The following SH3TC1 variants were observed in gnomAD, a reference collection of about 807,000 sequenced individuals.
SH3TC1 encodes SH3 domain and tetratricopeptide repeat-containing protein 1.
In SH3TC1, 135 loss-of-function variants were observed where a neutral mutation model predicts 117.3. That is an observed-to-expected ratio of 1.15 (90% CI 1.00 to 1.33). SH3TC1 has a LOEUF of 1.33. Among genes scored for constraint, SH3TC1 ranks in the 40% most tolerant of loss-of-function variants. The pLI is 0.00. For missense variants in SH3TC1, 2,092 were observed against 1,794.3 expected (o/e 1.17, Z -3.00); for synonymous variants, 898 against 816.9 (o/e 1.10, Z -1.69).
upstream of SH3TC1, among the ~76,000 whole-genome samples, chr4:8,194,602 A>G (rs572180041): frequency 7.9e-5 from 12 of 152,202 alleles, no homozygotes; most frequent in Non-Finnish European, 1.3e-4. Flanking sequence ...GAAACGGGGA[A>G]CAATCTGGTG....
intron 13 of SH3TC1, chr4:8,232,563 T>C (rs763992558): frequency 7.3e-7 from 1 of 1,360,672 alleles, no homozygotes; most frequent in South Asian, 1.1e-5. Flanking sequence ...GTGGCTTCTC[T>C]CCCACAGAAG....
intron 13 of SH3TC1, 58 bp from the exon 14 acceptor site, chr4:8,233,305 G>A: frequency 4.5e-6 from 7 of 1,547,694 alleles, no homozygotes; most frequent in Admixed American, 1.9e-5. Context: ...CACGGGAGGA[G>A]GCAGACTGGT....
chr4:8,237,789 A>T (rs1048181559), intron 17 of SH3TC1, 119 bp downstream of exon 17: 39 of 1,133,704 alleles, frequency 3.4e-5, no homozygotes, highest in Admixed American at 6.8e-5. Context: ...GCCTCCCTGG[A>T]GCGCTGCGCC....
intron 1 of SH3TC1, among the ~76,000 whole-genome samples, chr4:8,185,809 G>A (rs977268107): frequency 6.6e-6 from 1 of 152,228 alleles, no homozygotes; most frequent in Non-Finnish European, 1.5e-5. Flanking sequence ...GTCATCTGCA[G>A]GGTGAACTCC....
intron 1 of SH3TC1, among the ~76,000 whole-genome samples, chr4:8,191,991 A>ATTTATTTATTTG (rs1307485989): frequency 1.5e-4 from 5 of 32,836 alleles, no homozygotes; most frequent in African/African-American, 3.8e-4. Flanking sequence ...TTATTTATTT[A>ATTTATTTATTTG]TTTATTTATT....
Position 8,203,802 on chromosome 4 carries a change from C to T in SH3TC1, c.-28-1365C>T, listed in dbSNP as rs576087374. On this transcript the variant is annotated intron_variant, in intron 1 of 17. Coordinates refer to ENST00000245105, the MANE Select transcript of SH3TC1 (RefSeq NM_018986.5). The stretch of plus-strand genomic sequence containing the variant: ...GGTGCTCGATGTCCAGGGCCTCCTG[C>T]CTCCCCTTCACAGCTGCGTCCTCTG... Among the ~76,000 whole-genome samples the T allele has an allele frequency of 7.3e-4, 111 of 152,266 alleles. 1 individual carries two copies. In the South Asian group the frequency reaches 0.014, roughly 19 times the overall value.
At chr4:8,184,041 G>A (rs181393129) in intron 1 of SH3TC1, among the ~76,000 whole-genome samples, 24 of 152,252 alleles carry the variant, frequency 1.6e-4, no homozygotes, top group Admixed American at 4.6e-4. Flanking sequence ...GAGCCACTGC[G>A]CCTGGCCGTG....
chr4:8,234,559 TCATCCATTTATCCATCCATCCACC>T (rs1186559863), intron 14 of SH3TC1, among the ~76,000 whole-genome samples: 7 of 150,812 alleles, frequency 4.6e-5, no homozygotes, highest in African/African-American at 9.8e-5. Flanking sequence ...ATACATCTGC[TCATCCATTTATCCATCCATCCACC>T]CATCCATCCA....
At chr4:8,215,898 T>G (rs1300592263) in intron 5 of SH3TC1, among the ~76,000 whole-genome samples, 1 of 151,776 alleles carries the variant, frequency 6.6e-6, no homozygotes, top group Non-Finnish European at 1.5e-5. Flanking sequence ...TGGTGGGTGG[T>G]GGAGCTGGGC....
intron 17 of SH3TC1, among the ~76,000 whole-genome samples, chr4:8,238,435 G>A (rs976191863): frequency 3.3e-5 from 5 of 152,156 alleles, no homozygotes; most frequent in African/African-American, 1.2e-4. Flanking sequence ...GCAGGCGCCC[G>A]CCCCTACTCA....
chr4:8,195,059 G>A (rs982778625), upstream of SH3TC1, among the ~76,000 whole-genome samples: 2 of 152,114 alleles, frequency 1.3e-5, no homozygotes, highest in South Asian at 2.1e-4. Flanking sequence ...TCAGTCCAGC[G>A]GGCATCAGGA....
chr4:8,203,524 A>C (rs1270810828), intron 1 of SH3TC1, among the ~76,000 whole-genome samples: 1 of 152,054 alleles, frequency 6.6e-6, no homozygotes, highest in Non-Finnish European at 1.5e-5. Flanking sequence ...CTGGGGAAGG[A>C]AACTGGGCTC....
Position 8,209,831 on chromosome 4 carries a change from C to T in SH3TC1, c.247+9C>T, listed in dbSNP as rs781080901. The T allele has an allele frequency of 1.9e-6, 3 of 1,612,512 alleles. No individual in the cohort carries two copies. The highest frequency in any genetic ancestry group is 2.2e-5 in the East Asian group (1 of 44,856). ...GGGGGTTTATCCCACAGGTAAACAT[C>T]CTGGGCCCTACACAGGGCTTCAGGT... On this transcript the variant is annotated intron_variant, in intron 3 of 17. Transcript: ENST00000245105. The surrounding 1 kb of genome is among the most constrained non-coding windows in gnomAD (Gnocchi z 5.9).
At chr4:8,193,023 T>TAATA (rs1717462461) in intron 1 of SH3TC1, among the ~76,000 whole-genome samples, 1 of 152,238 alleles carries the variant, frequency 6.6e-6, no homozygotes, top group Non-Finnish European at 1.5e-5. Context: ...CTGTCTTGTA[T>TAATA]AATAGATAGT....
intron 13 of SH3TC1, 94 bp downstream of exon 13, chr4:8,232,250 G>A: frequency 7.1e-7 from 1 of 1,406,494 alleles, no homozygotes; most frequent in East Asian, 2.8e-5. Flanking sequence ...GGCCCCAGCA[G>A]CCCCTCTCCT....
At chr4:8,237,847 C>T (rs550175658) in intron 17 of SH3TC1, among the ~76,000 whole-genome samples, 177 bp downstream of exon 17, 3 of 152,232 alleles carry the variant, frequency 2.0e-5, no homozygotes, top group South Asian at 4.1e-4. Context: ...AGCTCCCGAG[C>T]GGCCAGGCCT....
chr4:8,198,906 C>T (rs3101827), upstream of SH3TC1, among the ~76,000 whole-genome samples: 6,557 of 152,168 alleles, frequency 0.043, 194 homozygotes, highest in Non-Finnish European at 0.069. Context: ...CATGCACATG[C>T]GTGTGTGTGT....
chr4:8,235,986 A>C, intron 15 of SH3TC1: 1 of 451,224 alleles, frequency 2.2e-6, no homozygotes, highest in Non-Finnish European at 3.9e-6. Context: ...GGCACAGATA[A>C]ATGTCGTGTT....
intron 1 of SH3TC1, among the ~76,000 whole-genome samples, chr4:8,199,658 C>T (rs1233141007): frequency 6.6e-6 from 1 of 152,194 alleles, no homozygotes; most frequent in Non-Finnish European, 1.5e-5. Context: ...TTTGACCAAG[C>T]ACCCTTGCTT....
Sources: allele counts gnomAD v4.1 joint callset (sites outside exome capture counted in the v4.1 genomes callset), GRCh38; gene constraint gnomAD v4.1.1; non-coding constraint Gnocchi (gnomAD v3.1); transcripts MANE v1.5; gene names NCBI Gene and HGNC (gene_info 2026-07-23, HGNC 2026-07-21).